CCDC12: variants seen among roughly 807,000 people sequenced by gnomAD.
The protein encoded by CCDC12 is coiled-coil domain containing 12, also known as coiled-coil domain-containing protein 12.
In CCDC12, 28 loss-of-function variants were observed where a neutral mutation model predicts 25.7. The observed-to-expected ratio is 1.09, with a 90% confidence interval of 0.81 to 1.50. The LOEUF (loss-of-function observed/expected upper bound fraction) is 1.50. CCDC12 is among the 40% of genes most tolerant of loss of function. The probability of loss-of-function intolerance (pLI) is 0.00; values close to 1 mark genes in which losing one functional copy is unlikely to be tolerated. For synonymous variants in CCDC12, 75 were observed against 87.7 expected (o/e 0.86, Z 0.81); for missense variants, 198 against 210.0 (o/e 0.94, Z 0.35).
intron 2 of CCDC12, among the ~76,000 whole-genome samples, chr3:46,930,524 C>A (rs2033163145): frequency 6.6e-6 from 1 of 152,174 alleles, no homozygotes; most frequent in Non-Finnish European, 1.5e-5. Flanking sequence ...GCACCAAATG[C>A]CCTAGGCCAC....
chr3:46,969,791 T>G (rs1230229658), intron 1 of CCDC12, among the ~76,000 whole-genome samples: 1 of 152,130 alleles, frequency 6.6e-6, no homozygotes, highest in African/African-American at 2.4e-5. Context: ...TAAGTCAGGC[T>G]GAAGGGAGCA....
At chr3:46,956,940 G>A (rs751533437) in intron 1 of CCDC12, among the ~76,000 whole-genome samples, 1 of 152,116 alleles carries the variant, frequency 6.6e-6, no homozygotes, top group Non-Finnish European at 1.5e-5. Context: ...CTCGGGTCTC[G>A]ACCTCAAGTA....
intron 2 of CCDC12, among the ~76,000 whole-genome samples, chr3:46,936,724 G>GA (rs199648517): frequency 3.1e-4 from 46 of 150,124 alleles, no homozygotes; most frequent in East Asian, 2.9e-3. Flanking sequence ...AATTAAAGCA[G>GA]AAAAAAAAAA....
Position 46,923,333 on chromosome 3 carries a change from C to G in CCDC12, c.337G>C (p.Asp113His), listed in dbSNP as rs372131348. 1.8e-5 allele frequency: 27 copies of G among 1,489,062 alleles called. No individual in the cohort carries two copies. The highest frequency in any genetic ancestry group is 2.1e-5 in the Non-Finnish European group (24 of 1,118,328). The allele number at this position is 1,489,062 out of a possible 1,614,324, so 92.2% of individuals were successfully genotyped here. Residue 113 changes from aspartate to histidine, a missense_variant, in exon 5 of 7, where the codon GAC (aspartate) becomes CAC (histidine). Asp to His is a moderately conservative substitution (Grantham distance 81). Transcript: ENST00000683445. ...DLANLAPRKPDWDLKRDVAKK... is the reference protein window; with the variant it reads ...DLANLAPRKPHWDLKRDVAKK... ...CCACGCACGGGCAACACTCACCAGT[C>G]AGGCTTCCGAGGAGCGAGGTTGGCC... is the stretch of plus-strand genomic sequence containing the variant.
chr3:46,958,462 A>T (rs962515698), intron 1 of CCDC12, among the ~76,000 whole-genome samples: 1 of 152,174 alleles, frequency 6.6e-6, no homozygotes, highest in African/African-American at 2.4e-5. Flanking sequence ...GTCTGGTGAT[A>T]ATTTCCAGGC....
chr3:46,961,911 C>T (rs978527202), intron 1 of CCDC12, among the ~76,000 whole-genome samples: 5 of 151,972 alleles, frequency 3.3e-5, no homozygotes, highest in Non-Finnish European at 5.9e-5. Flanking sequence ...TCACTGATAC[C>T]CATATGGGGA....
intron 2 of CCDC12, among the ~76,000 whole-genome samples, chr3:46,938,809 G>A (rs917530940): frequency 5.3e-5 from 8 of 151,194 alleles, no homozygotes; most frequent in Non-Finnish European, 8.8e-5. Context: ...CTGAGATAGC[G>A]CCACTGCACT....
intron 1 of CCDC12, among the ~76,000 whole-genome samples, chr3:46,952,797 T>A (rs2034168552): frequency 6.6e-6 from 1 of 152,156 alleles, no homozygotes; most frequent in African/African-American, 2.4e-5. Context: ...GAAAATCTAA[T>A]AAGGTCAGCA....
chr3:46,947,632 C>T (rs150900941), intron 1 of CCDC12, among the ~76,000 whole-genome samples: 1 of 152,150 alleles, frequency 6.6e-6, no homozygotes, highest in Non-Finnish European at 1.5e-5. Context: ...CACTCTGGGT[C>T]CCCTGCACTC....
chr3:46,938,518 G>GTTTTTTTGT (rs2033549517), intron 2 of CCDC12, among the ~76,000 whole-genome samples: 3 of 91,380 alleles, frequency 3.3e-5, no homozygotes, highest in African/African-American at 4.2e-5. Context: ...TTCCCCTCCT[G>GTTTTTTTGT]TTTTTTTTTT....
At chr3:46,951,388 A>C (rs1169906252) in intron 1 of CCDC12, among the ~76,000 whole-genome samples, 3 of 152,082 alleles carry the variant, frequency 2.0e-5, no homozygotes, top group Non-Finnish European at 2.9e-5. Flanking sequence ...AAAAATGTTA[A>C]ATCAGCTTGA....
At chr3:46,940,032 A>G (rs949948024) in intron 2 of CCDC12, among the ~76,000 whole-genome samples, 1 of 152,166 alleles carries the variant, frequency 6.6e-6, no homozygotes, top group Admixed American at 6.5e-5. Context: ...AATCAAGGCA[A>G]CCTGTCCAGA....
At chr3:46,943,300 A>G (rs1253632624) in intron 1 of CCDC12, among the ~76,000 whole-genome samples, 2 of 152,242 alleles carry the variant, frequency 1.3e-5, no homozygotes, top group African/African-American at 4.8e-5. Context: ...CGATGAAGCA[A>G]GCCAGAGCCT....
At chr3:46,958,017 G>T (rs1260481597) in intron 1 of CCDC12, among the ~76,000 whole-genome samples, 9 of 132,830 alleles carry the variant, frequency 6.8e-5, no homozygotes, top group Admixed American at 6.8e-4. Flanking sequence ...AAAGCTAATA[G>T]AACCAGTGCC....
chr3:46,976,879 G>A (rs1027637452), upstream of CCDC12: 2 of 1,346,122 alleles, frequency 1.5e-6, no homozygotes, highest in African/African-American at 3.0e-5. Flanking sequence ...TTATGGGCGA[G>A]CCCTCCCCGC....
At chr3:46,947,004 T>C (rs987022809) in intron 1 of CCDC12, among the ~76,000 whole-genome samples, 4 of 152,260 alleles carry the variant, frequency 2.6e-5, no homozygotes, top group Admixed American at 6.5e-5. Flanking sequence ...TTCCCACCCT[T>C]CTTTAGCTTC....
chr3:46,934,783 CAGG>C lies in CCDC12; in HGVS notation c.164+6212_164+6214del, dbSNP rs1258591496. On this transcript the variant is annotated intron_variant, in intron 2 of 6. Coordinates refer to ENST00000683445, the MANE Select transcript of CCDC12 (RefSeq NM_001277074.2). ...GTGGGTCCCTGTGCTGCTGCTTCAG[CAGG>C]AGATCTCCACTGCCCATGACTGGGA... Among the ~76,000 whole-genome samples the C allele has an allele frequency of 2.0e-5, 3 of 151,782 alleles. No homozygotes were observed. The East Asian group carries it at 5.8e-4, about 29-fold the overall frequency.
At chr3:46,925,712 C>T (rs1034291824) in intron 2 of CCDC12, among the ~76,000 whole-genome samples, 177 bp from the exon 3 acceptor site, 4 of 152,230 alleles carry the variant, frequency 2.6e-5, no homozygotes, top group African/African-American at 9.6e-5. Flanking sequence ...CCCTTGGCAC[C>T]GTCCCCTGCC....
intron 2 of CCDC12, among the ~76,000 whole-genome samples, chr3:46,933,485 A>G (rs1037261592): frequency 2.0e-5 from 3 of 152,162 alleles, no homozygotes; most frequent in African/African-American, 7.2e-5. Flanking sequence ...CGGCTGTTCC[A>G]GGCAATGACC....
Sources: gnomAD v4.1 joint callset for allele counts (sites outside exome capture counted in the v4.1 genomes callset) on GRCh38, gnomAD v4.1.1 for gene constraint, MANE v1.5 for transcripts, NCBI Gene and HGNC (gene_info 2026-07-23, HGNC 2026-07-21) for gene names.